PGAP3: variants seen among roughly 807,000 people sequenced by gnomAD.
PGAP3 encodes the protein post-GPI attachment to proteins phospholipase 3.
PGAP3 carries 31 observed loss-of-function variants against 40.3 expected under a neutral mutation model. That is an observed-to-expected ratio of 0.77 (90% CI 0.58 to 1.04). The LOEUF is 1.04. Among genes scored for constraint, PGAP3 ranks in the 50% least tolerant of loss-of-function variants. PGAP3 has a pLI of 0.00. For synonymous variants in PGAP3, 191 were observed against 184.5 expected, an observed-to-expected ratio of 1.04 and a Z score of -0.29; for missense variants, 413 against 423.0, an observed-to-expected ratio of 0.98 and a Z score of 0.21.
Position 39,673,076 on chromosome 17 carries a change from T to C in PGAP3, c.874A>G (p.Ile292Val). ...DAHAIWHIST[I>V]PVHVLFFSFL... ...CTGAAAAAGAGGACGTGGACAGGGA[T>C]GGTGCTGATGTGCCAGATGGCATGG... The change falls in exon 7 of 8, where the codon ATC becomes GTC. Residue 292 changes from isoleucine (I) to valine (V), a missense_variant. By Grantham distance (29) the Ile-to-Val change is conservative (BLOSUM62 3). Coordinates refer to ENST00000300658, the MANE Select transcript of PGAP3 (RefSeq NM_033419.5). The C allele has an allele frequency of 1.2e-6, 2 of 1,608,468 alleles. No individual in the cohort carries two copies. Among genetic ancestry groups the C allele is most frequent in the Non-Finnish European group, 1.7e-6 (2 of 1,177,892 alleles).
intron 3 of PGAP3, among the ~76,000 whole-genome samples, chr17:39,681,708 A>G (rs959601672): frequency 6.6e-6 from 1 of 151,986 alleles, no homozygotes; most frequent in Non-Finnish European, 1.5e-5. Context: ...GGGTTTCTTC[A>G]TGTTGGTCAG....
At position 39,684,665 on chromosome 17, in the gene PGAP3, G is replaced by A. The variant is rs749728993; in HGVS notation, c.364C>T (p.Leu122Phe). 6.2e-7 allele frequency: 1 copy of A among 1,614,086 alleles called. No homozygotes were observed. Among genetic ancestry groups the A allele is most frequent in the Non-Finnish European group, 8.5e-7 (1 of 1,179,960 alleles). The stretch of plus-strand genomic sequence containing the variant: ...GGCACGAAGGTGCGGTAGCGGCAGA[G>A]CATCACCAGGCTGGCCAGGCCATTG... ...FLNGLASLVM[L>F]CRYRTFVPAS... Residue 122 changes from leucine (L) to phenylalanine (F), a missense_variant, in exon 3 of 8, where the codon CTC becomes TTC. Coordinates refer to ENST00000300658, the MANE Select transcript of PGAP3 (RefSeq NM_033419.5).
Position 39,687,996 on chromosome 17 carries a change from G to T in PGAP3, c.19C>A (p.Arg7=). The stretch of plus-strand genomic sequence containing the variant: ...GCTGCCCCAGCTAGCAGGACCAACC[G>T]CGCCGCCAGGCCGGCCATCCTTTCT... MAGLAA[R]LVLLAGAAAL... Residue 7 remains arginine (R), a synonymous_variant, in exon 1 of 8, where the codon CGG becomes AGG. Transcript: ENST00000300658. 1 of 1,420,076 alleles carries T rather than the reference G, an allele frequency of 7.0e-7. No individual in the cohort carries two copies. Among genetic ancestry groups the T allele is most frequent in the Non-Finnish European group, 9.3e-7 (1 of 1,069,860 alleles). The allele number at this position is 1,420,076 out of a possible 1,614,324, so 88.0% of individuals were successfully genotyped here.
At chr17:39,679,598 T>A (rs1337116141) in intron 3 of PGAP3, among the ~76,000 whole-genome samples, 3 of 152,170 alleles carry the variant, frequency 2.0e-5, no homozygotes, top group Admixed American at 6.5e-5. Context: ...AGGTGTAACG[T>A]CCTCAGCTTC....
At chr17:39,686,253 G>A (rs903662293) in intron 1 of PGAP3, among the ~76,000 whole-genome samples, 4 of 151,952 alleles carry the variant, frequency 2.6e-5, no homozygotes, top group East Asian at 3.9e-4. Flanking sequence ...AGAGATATTC[G>A]TCTTTTTTTT....
intron 3 of PGAP3, among the ~76,000 whole-genome samples, chr17:39,680,897 C>T (rs192484486): frequency 8.1e-4 from 124 of 152,164 alleles, no homozygotes; most frequent in Admixed American, 4.8e-3. Context: ...CTTTGTCACC[C>T]GGGCTAGAGC....
intron 3 of PGAP3, among the ~76,000 whole-genome samples, chr17:39,684,167 T>A (rs1365415824): frequency 7.4e-6 from 1 of 134,330 alleles, no homozygotes; most frequent in South Asian, 2.4e-4. Context: ...TAGGCTGAGC[T>A]CTACACAGAG....
Position 39,673,601 on chromosome 17 carries a change from G to A in PGAP3, c.607C>T (p.Leu203=), listed in dbSNP as rs752156885. The change falls in exon 6 of 8, where the codon CTG becomes TTG. Residue 203 remains leucine (L), a synonymous_variant. Coordinates refer to ENST00000300658, the MANE Select transcript of PGAP3 (RefSeq NM_033419.5). ...ACGTGCACGGTCAGCATGAGCAGCA[G>A]GAGAGCCCGGAAGGCACTGACCACA... ...PAVVSAFRAL[L]LLMLTVHVSY... The A allele has an allele frequency of 5.8e-5, 93 of 1,614,014 alleles. 2 individuals are homozygous for A. The Admixed American group carries it at 1.5e-3, about 26-fold the overall frequency.
chr17:39,683,660 TCA>T (rs2145137359), intron 3 of PGAP3, among the ~76,000 whole-genome samples: 1 of 152,264 alleles, frequency 6.6e-6, no homozygotes. Flanking sequence ...CCTTTCATTC[TCA>T]CACCCTTCCC....
In PGAP3 at chr17:39,673,589, G is replaced by A; in HGVS notation, c.619C>T (p.Leu207=). The part of the protein sequence containing the change: ...SAFRALLLLM[L]TVHVSYLSLI... ...CTCAGGTAGGAGACGTGCACGGTCAGCATGAGCAGCAGGAGAGCCCGGAAG... is the reference window on the plus strand; with the variant it reads ...CTCAGGTAGGAGACGTGCACGGTCAACATGAGCAGCAGGAGAGCCCGGAAG... The change falls in exon 6 of 8, where the codon CTG becomes TTG. Residue 207 remains leucine, a synonymous_variant. Coordinates refer to ENST00000300658, the MANE Select transcript of PGAP3 (RefSeq NM_033419.5). 3 of 1,614,154 alleles carry A rather than the reference G, an allele frequency of 1.9e-6. No homozygotes were observed. Among genetic ancestry groups the A allele is most frequent in the Non-Finnish European group, 2.5e-6 (3 of 1,180,028 alleles).
chr17:39,673,826 GC>G, intron 5 of PGAP3, 166 bp downstream of exon 5: 3 of 1,197,728 alleles, frequency 2.5e-6, no homozygotes, highest in Non-Finnish European at 2.3e-6. Context: ...AGGAGCCAGG[GC>G]CCCCAGTCCT....
chr17:39,682,997 A>G (rs1441269073), intron 3 of PGAP3, among the ~76,000 whole-genome samples: 1 of 152,086 alleles, frequency 6.6e-6, no homozygotes, highest in Non-Finnish European at 1.5e-5. Context: ...GAATCGCTTG[A>G]ACTGGGAGGC....
At chr17:39,674,736 AC>A in intron 3 of PGAP3, 57 bp from the exon 4 acceptor site, 1 of 1,457,886 alleles carries the variant, frequency 6.9e-7, no homozygotes, top group South Asian at 1.2e-5. Context: ...CAAGGCAGGG[AC>A]CCCCATTTGC....
At chr17:39,673,827 C>T (rs2145099949) in intron 5 of PGAP3, 166 bp downstream of exon 5, 1 of 1,186,126 alleles carries the variant, frequency 8.4e-7, no homozygotes, top group East Asian at 2.6e-5. Context: ...GGAGCCAGGG[C>T]CCCCAGTCCT....
intron 3 of PGAP3, among the ~76,000 whole-genome samples, chr17:39,681,399 G>A (rs919140110): frequency 6.6e-6 from 1 of 152,090 alleles, no homozygotes; most frequent in African/African-American, 2.4e-5. Flanking sequence ...TATAAGCTGC[G>A]TTAAACAAAA....
At chr17:39,673,450 C>T in intron 6 of PGAP3, 64 bp downstream of exon 6, 1 of 1,605,950 alleles carries the variant, frequency 6.2e-7, no homozygotes. Context: ...GGAATGGCAC[C>T]AACCTCCCAC....
chr17:39,684,738 G>A lies in PGAP3; in HGVS notation c.291C>T (p.Ser97=). The A allele has an allele frequency of 6.2e-7, 1 of 1,605,712 alleles. No homozygotes were observed. Among genetic ancestry groups the A allele is most frequent in the Non-Finnish European group, 8.5e-7 (1 of 1,176,224 alleles). The change falls in exon 3 of 8, where the codon TCC becomes TCT. Residue 97 remains serine (S), a synonymous_variant. Transcript: ENST00000300658. ...VPQFHGKWPF[S]RFLFFQEPAS... is the part of the protein sequence containing the mutation. ...CCGGCTCTTGAAAGAACAGGAACCG[G>A]GAGAAGGGCCACTGAAAAAGGAGCA...
In PGAP3 at chr17:39,682,570, T is replaced by C. The variant is rs540589041; in HGVS notation, c.432+2027A>G. Reference sequence around the variant, plus strand: ...ATAAATTTTTAAAAAGCTTTAATGTTACCTCCAAAACACAGCTCAAGTGTA... The same window carrying C: ...ATAAATTTTTAAAAAGCTTTAATGTCACCTCCAAAACACAGCTCAAGTGTA... On this transcript the variant is annotated intron_variant, in intron 3 of 7. Transcript: ENST00000300658. 3.9e-5 allele frequency among the ~76,000 whole-genome samples: 6 copies of C among 152,302 alleles called. No individual in the cohort carries two copies. The South Asian group carries it at 1.2e-3, about 32-fold the overall frequency.
chr17:39,677,036 A>G (rs2145115322), intron 3 of PGAP3, among the ~76,000 whole-genome samples: 1 of 152,254 alleles, frequency 6.6e-6, no homozygotes, highest in South Asian at 2.1e-4. Context: ...AGTCTTCACA[A>G]TGAGACAGAG....
Sources: allele counts gnomAD v4.1 joint callset (sites outside exome capture counted in the v4.1 genomes callset), GRCh38; gene constraint gnomAD v4.1.1; transcripts MANE v1.5; gene names NCBI Gene and HGNC (gene_info 2026-07-23, HGNC 2026-07-21).